CD99L2: variants seen among roughly 807,000 people sequenced by gnomAD.
The protein encoded by CD99L2 is CD99 antigen-like protein 2.
A neutral mutation model predicts 27.3 loss-of-function variants in CD99L2; 24 were observed. That is an observed-to-expected ratio of 0.88 (90% confidence interval 0.64 to 1.24). The LOEUF (loss-of-function observed/expected upper bound fraction) is 1.24, where lower values mean the gene tolerates loss of function less well. CD99L2 is among the 50% of genes most tolerant of loss of function. CD99L2 has a pLI of 0.00. For missense variants in CD99L2, 255 were observed against 221.6 expected (o/e 1.15, Z -0.96); for synonymous variants, 97 against 87.9 (o/e 1.10, Z -0.58).
At chrX:150,775,241 A>G (rs979180758) in intron 9 of CD99L2, among the ~76,000 whole-genome samples, 62 of 111,954 alleles carry the variant, frequency 5.5e-4, no homozygotes, top group African/African-American at 1.8e-3. Context: ...TAAGCTTCCC[A>G]TTGCATCAAA....
chrX:150,782,794 C>G (rs886315828), intron 7 of CD99L2, among the ~76,000 whole-genome samples: 3 of 111,203 alleles, frequency 2.7e-5, no homozygotes, highest in Non-Finnish European at 5.7e-5. Flanking sequence ...CTCACGTCAC[C>G]CAAAGGCCCT....
At chrX:150,790,804 C>T (rs950451983) in intron 7 of CD99L2, among the ~76,000 whole-genome samples, 4 of 111,672 alleles carry the variant, frequency 3.6e-5, no homozygotes, top group Non-Finnish European at 5.7e-5. Flanking sequence ...AGGTTATATA[C>T]CTGCTGACGG....
intron 1 of CD99L2, among the ~76,000 whole-genome samples, chrX:150,851,495 T>C (rs1221729060): frequency 8.9e-6 from 1 of 112,126 alleles, no homozygotes; most frequent in Non-Finnish European, 1.9e-5. Flanking sequence ...CACACATGCC[T>C]GCCCCTAAGG....
In CD99L2 at chrX:150,795,201, C is replaced by T. The variant is rs782736669; in HGVS notation, c.430+5G>A. On this transcript the variant is annotated splice_donor_5th_base_variant and intron_variant, in intron 6 of 10. Transcript: ENST00000370377. ...TGAGACAGAACCAGACCAGGTGGGA[C>T]TCACCTCCTCCTCCAGCAATTGGTT... 5.0e-6 allele frequency: 6 copies of T among 1,202,742 alleles called. No individual in the cohort carries two copies. Among genetic ancestry groups the T allele is most frequent in the South Asian group, 1.8e-5 (1 of 56,624 alleles).
chrX:150,868,859 C>T (rs2047111657), intron 1 of CD99L2, among the ~76,000 whole-genome samples: 2 of 111,806 alleles, frequency 1.8e-5, no homozygotes, highest in South Asian at 7.4e-4. Context: ...TGGAAGCATA[C>T]TTGTGATGGC....
chrX:150,827,728 G>A (rs1463775153), intron 2 of CD99L2, among the ~76,000 whole-genome samples: 3 of 111,429 alleles, frequency 2.7e-5, no homozygotes, highest in Non-Finnish European at 5.6e-5. Context: ...TGCCCAAACC[G>A]CTCACCTCAC....
intron 7 of CD99L2, among the ~76,000 whole-genome samples, chrX:150,791,986 G>T (rs2045696981): frequency 8.9e-6 from 1 of 112,023 alleles, no homozygotes; most frequent in African/African-American, 3.2e-5. Flanking sequence ...TCATGCTGAA[G>T]ATCATAATTT....
chrX:150,780,632 T>C (rs977724246), intron 7 of CD99L2, among the ~76,000 whole-genome samples: 11 of 110,244 alleles, frequency 1.0e-4, no homozygotes, highest in Non-Finnish European at 1.9e-4. Context: ...CCTTAAAATA[T>C]ATGAGAAAAT....
chrX:150,835,428 G>A (rs782747707), intron 1 of CD99L2, among the ~76,000 whole-genome samples: 57 of 111,923 alleles, frequency 5.1e-4, no homozygotes, highest in Non-Finnish European at 9.2e-4. Context: ...TACTTGGAAG[G>A]CTGAGGAAGG....
At chrX:150,771,516 C>T (rs1277578103) in intron 9 of CD99L2, among the ~76,000 whole-genome samples, 1 of 111,591 alleles carries the variant, frequency 9.0e-6, no homozygotes, top group Non-Finnish European at 1.9e-5. Flanking sequence ...GTGGGTGGCC[C>T]TCTATGTGCT....
At chrX:150,865,050 G>C (rs1557421997) in intron 1 of CD99L2, among the ~76,000 whole-genome samples, 1 of 102,040 alleles carries the variant, frequency 9.8e-6, no homozygotes, top group African/African-American at 3.7e-5. Context: ...CTGGGAGACA[G>C]AGCGAGACCC....
chrX:150,890,151 A>AAAATAAATAAATAAATAAATAAATAAAT (rs56795332), intron 1 of CD99L2, among the ~76,000 whole-genome samples: 1 of 98,884 alleles, frequency 1.0e-5, no homozygotes, highest in African/African-American at 4.0e-5. Flanking sequence ...ACTCCGTCTC[A>AAAATAAATAAATAAATAAATAAATAAAT]AAATAAATAA....
chrX:150,878,543 AAAG>A (rs1423678195), intron 1 of CD99L2, among the ~76,000 whole-genome samples: 3 of 110,031 alleles, frequency 2.7e-5, no homozygotes, highest in African/African-American at 9.9e-5. Flanking sequence ...TAAAAAAAAA[AAAG>A]AAGGAAAGAA....
intron 9 of CD99L2, among the ~76,000 whole-genome samples, chrX:150,772,570 G>C (rs1402551376): frequency 2.7e-5 from 3 of 113,044 alleles, no homozygotes; most frequent in Non-Finnish European, 3.7e-5. Context: ...AGGACCTTGA[G>C]GGCAGCAGGA....
chrX:150,832,098 A>C (rs782638866), intron 1 of CD99L2, among the ~76,000 whole-genome samples: 27 of 112,301 alleles, frequency 2.4e-4, no homozygotes, highest in Non-Finnish European at 4.3e-4. Flanking sequence ...AACAAAATAC[A>C]CACTCTTCTC....
intron 7 of CD99L2, among the ~76,000 whole-genome samples, chrX:150,785,342 G>A (rs1336907292): frequency 9.0e-6 from 1 of 111,188 alleles, no homozygotes. Flanking sequence ...TTCCCAGCAC[G>A]CAGACCTGTA....
At chrX:150,873,090 G>A (rs1214702010) in intron 1 of CD99L2, among the ~76,000 whole-genome samples, 6 of 112,278 alleles carry the variant, frequency 5.3e-5, no homozygotes, top group Admixed American at 9.4e-5. Flanking sequence ...GCTGGTTACC[G>A]ACGAGCATGA....
intron 1 of CD99L2, among the ~76,000 whole-genome samples, chrX:150,861,935 G>C (rs1321859512): frequency 9.4e-4 from 98 of 104,120 alleles, no homozygotes; most frequent in African/African-American, 3.4e-3. Flanking sequence ...GAGAGAGAGA[G>C]AGTACTATAA....
At chrX:150,897,523 C>T (rs947292563) in intron 1 of CD99L2, among the ~76,000 whole-genome samples, 1 of 92,357 alleles carries the variant, frequency 1.1e-5, no homozygotes, top group East Asian at 3.0e-4. Context: ...AGTACTAGGA[C>T]AAAGTGTGTG....
Sources: gnomAD v4.1 joint callset for allele counts (sites outside exome capture counted in the v4.1 genomes callset) on GRCh38, gnomAD v4.1.1 for gene constraint, MANE v1.5 for transcripts, NCBI Gene and HGNC (gene_info 2026-07-23, HGNC 2026-07-21) for gene names.